Variants in CNTN5 observed in about 807,000 individuals in gnomAD.
CNTN5 encodes contactin 5, also known as contactin-5.
A neutral mutation model predicts 129.1 loss-of-function variants in CNTN5; 77 were observed. That is an observed-to-expected ratio of 0.60 (90% CI 0.50 to 0.72). CNTN5 has a LOEUF of 0.72. CNTN5 is among the 30% of genes least tolerant of loss of function. The pLI, the probability that CNTN5 is intolerant of heterozygous loss-of-function variation, is 0.00. For synonymous variants in CNTN5, 509 were observed against 465.6 expected (o/e 1.09, Z -1.20); for missense variants, 1,478 against 1,328.8 (o/e 1.11, Z -1.75).
intron 1 of CNTN5, among the ~76,000 whole-genome samples, chr11:99,115,724 C>T (rs1055143280): frequency 6.6e-6 from 1 of 152,132 alleles, no homozygotes; most frequent in African/African-American, 2.4e-5. Context: ...CACGCCATTG[C>T]ACTCCAGCCT....
chr11:99,795,023 G>C (rs959098734), intron 3 of CNTN5, among the ~76,000 whole-genome samples: 1 of 152,164 alleles, frequency 6.6e-6, no homozygotes, highest in African/African-American at 2.4e-5. Flanking sequence ...TGTTTTTCAA[G>C]TTACTTGCTT....
chr11:99,234,738 A>G (rs1368296888), intron 1 of CNTN5, among the ~76,000 whole-genome samples: 1 of 151,930 alleles, frequency 6.6e-6, no homozygotes, highest in Non-Finnish European at 1.5e-5. Flanking sequence ...TAAATTTTAA[A>G]TAACAATGAT....
intron 3 of CNTN5, among the ~76,000 whole-genome samples, chr11:99,630,326 C>T (rs1951296050): frequency 6.6e-6 from 1 of 151,820 alleles, no homozygotes; most frequent in African/African-American, 2.4e-5. Context: ...GTAATTGCCT[C>T]TGGAGAGCAA....
intron 3 of CNTN5, among the ~76,000 whole-genome samples, chr11:99,662,574 A>G (rs1442741511): frequency 6.6e-6 from 1 of 152,206 alleles, no homozygotes; most frequent in East Asian, 1.9e-4. Context: ...TTTATCTTCA[A>G]AATTTTTAAA....
At chr11:99,800,344 T>C (rs1480253917) in intron 3 of CNTN5, among the ~76,000 whole-genome samples, 1 of 152,160 alleles carries the variant, frequency 6.6e-6, no homozygotes, top group East Asian at 1.9e-4. Context: ...GTTAACTTAC[T>C]GAGACTTGCA....
chr11:99,715,428 G>T (rs1037518835), intron 3 of CNTN5, among the ~76,000 whole-genome samples: 5 of 151,720 alleles, frequency 3.3e-5, no homozygotes, highest in Non-Finnish European at 5.9e-5. Context: ...CAAGAGAGCA[G>T]AATAGTTGAC....
intron 1 of CNTN5, among the ~76,000 whole-genome samples, chr11:99,199,722 T>G (rs1859074742): frequency 6.6e-6 from 1 of 152,170 alleles, no homozygotes; most frequent in African/African-American, 2.4e-5. Context: ...TATCCTTTCC[T>G]CCAATATTGC....
intron 2 of CNTN5, among the ~76,000 whole-genome samples, chr11:99,516,050 T>A (rs1947038514): frequency 6.6e-6 from 1 of 151,952 alleles, no homozygotes; most frequent in Non-Finnish European, 1.5e-5. Flanking sequence ...AAACAGTGGT[T>A]CACATATGAT....
intron 1 of CNTN5, among the ~76,000 whole-genome samples, chr11:99,271,678 G>T (rs1863177975): frequency 6.6e-6 from 1 of 151,732 alleles, no homozygotes; most frequent in Admixed American, 6.6e-5. Context: ...GGCTTAACTA[G>T]AGCTGCAGAA....
Position 99,834,940 on chromosome 11 carries a change from T to C in CNTN5, c.278-9912T>C, listed in dbSNP as rs192902164. Among the ~76,000 whole-genome samples the C allele has an allele frequency of 3.5e-3, 527 of 152,354 alleles. 1 individual carries two copies. The highest frequency in any genetic ancestry group is 0.012 in the African/African-American group (486 of 41,584). On this transcript the variant is annotated intron_variant, in intron 4 of 24. Transcript: ENST00000524871. ...TTTATTTGATACCTTGTTTTCCTAATGTAAAGCTGAGAGAAAGCTATCCAG... is the reference window on the plus strand; with the variant it reads ...TTTATTTGATACCTTGTTTTCCTAACGTAAAGCTGAGAGAAAGCTATCCAG...
intron 3 of CNTN5, among the ~76,000 whole-genome samples, chr11:99,578,515 G>T (rs925526367): frequency 1.3e-5 from 2 of 150,672 alleles, no homozygotes; most frequent in East Asian, 1.9e-4. Flanking sequence ...TTTAATGATC[G>T]CCATTCTAAC....
intron 1 of CNTN5, among the ~76,000 whole-genome samples, chr11:99,107,129 T>C (rs1483213762): frequency 3.3e-5 from 5 of 152,104 alleles, no homozygotes; most frequent in Admixed American, 1.3e-4. Context: ...TAAAACTATA[T>C]AGATTTTTCA....
At chr11:100,001,821 C>G (rs2137474038) in intron 8 of CNTN5, among the ~76,000 whole-genome samples, 1 of 152,218 alleles carries the variant, frequency 6.6e-6, no homozygotes, top group Non-Finnish European at 1.5e-5. Flanking sequence ...TGATAATGAA[C>G]ATGCATGTAA....
chr11:99,270,460 T>C (rs1207821053), intron 1 of CNTN5, among the ~76,000 whole-genome samples: 1 of 151,818 alleles, frequency 6.6e-6, no homozygotes, highest in East Asian at 1.9e-4. Context: ...CCCAAAACCT[T>C]CGGGAACAGT....
rs573067558 is a variant in CNTN5, at chr11:100,336,909, G to A, written c.2731-3554G>A. 5.7e-5 allele frequency: 34 copies of A among 594,596 alleles called. No individual in the cohort carries two copies. In the East Asian group the frequency reaches 9.0e-4, roughly 16 times the overall value. The allele number at this position is 594,596 out of a possible 1,614,324, so 36.8% of individuals were successfully genotyped here. On this transcript the variant is annotated intron_variant, in intron 21 of 24. Transcript: ENST00000524871. ...AGCAGCAACTCATAGGGCAGCCGGT[G>A]AATACATGCAGTCCCCGGTAGGCTT...
chr11:99,076,883 C>T (rs1014942408), intron 1 of CNTN5, among the ~76,000 whole-genome samples: 2 of 152,126 alleles, frequency 1.3e-5, no homozygotes, highest in Admixed American at 6.6e-5. Flanking sequence ...TTGAAAATTA[C>T]AGCTCATTGT....
At chr11:100,229,396 G>C (rs1949445814) in intron 16 of CNTN5, among the ~76,000 whole-genome samples, 1 of 152,136 alleles carries the variant, frequency 6.6e-6, no homozygotes, top group Non-Finnish European at 1.5e-5. Context: ...TTAGCTAGTT[G>C]TAAAGTATTA....
chr11:99,143,726 T>C (rs1017913656), intron 1 of CNTN5, among the ~76,000 whole-genome samples: 2 of 152,194 alleles, frequency 1.3e-5, no homozygotes, highest in African/African-American at 4.8e-5. Context: ...TCTAAAAATG[T>C]AGGAAAGTTA....
At chr11:99,311,154 C>T (rs1181779803) in intron 1 of CNTN5, among the ~76,000 whole-genome samples, 1 of 152,068 alleles carries the variant, frequency 6.6e-6, no homozygotes, top group Non-Finnish European at 1.5e-5. Flanking sequence ...GTGTCGATCT[C>T]CTGACCTTGT....
Sources: gnomAD v4.1 joint callset for allele counts (sites outside exome capture counted in the v4.1 genomes callset) on GRCh38, gnomAD v4.1.1 for gene constraint, MANE v1.5 for transcripts, NCBI Gene and HGNC (gene_info 2026-07-23, HGNC 2026-07-21) for gene names.